The following NHLRC2 variants were observed in gnomAD, a reference collection of about 807,000 sequenced individuals.
NHLRC2 encodes NHL repeat containing 2.
NHLRC2 carries 33 observed loss-of-function variants against 68.1 expected under a neutral mutation model. That is an observed-to-expected ratio of 0.48 (90% CI 0.37 to 0.65). The LOEUF is 0.65. NHLRC2 is among the 30% of genes least tolerant of loss of function. The pLI is 0.00. For synonymous variants in NHLRC2, 311 were observed against 309.6 expected, an observed-to-expected ratio of 1.00 and a Z score of -0.05; for missense variants, 761 against 853.8, an observed-to-expected ratio of 0.89 and a Z score of 1.35.
In NHLRC2 at chr10:113,911,371, T is replaced by C. The variant is rs1846327284; in HGVS notation, c.*2835T>C. The C allele has an allele frequency of 6.6e-6, 1 of 152,144 alleles. No homozygotes were observed. The highest frequency in any genetic ancestry group is 1.9e-4 in the East Asian group (1 of 5,202). The allele number at this position is 152,144 out of a possible 1,614,324, so 9.4% of individuals were successfully genotyped here. ...GTTTAATCACCCATAAGTGTAACTT[T>C]AGCAAAATTCAATGACTATGAAAAA... On this transcript the variant is annotated 3_prime_UTR_variant, in exon 11 of 11. Transcript: ENST00000369301.
At chr10:113,897,957 T>A (rs1363824489) in intron 5 of NHLRC2, among the ~76,000 whole-genome samples, 153 bp from the exon 6 acceptor site, 1 of 152,234 alleles carries the variant, frequency 6.6e-6, no homozygotes, top group Non-Finnish European at 1.5e-5. Flanking sequence ...AAAACAAAAT[T>A]TTCAAAGATA....
In NHLRC2 at chr10:113,913,715, G is replaced by C. The variant is rs1460695878; in HGVS notation, c.*5179G>C. ...TGGAAATACAGTCTTCTGCTTTCTT[G>C]TTTCATAAATAACACTGGTATGCAG... is the stretch of plus-strand genomic sequence containing the variant. On this transcript the variant is annotated 3_prime_UTR_variant, in exon 11 of 11. Transcript: ENST00000369301. 6.6e-6 allele frequency: 1 copy of C among 151,886 alleles called. No individual in the cohort carries two copies. Among genetic ancestry groups the C allele is most frequent in the Admixed American group, 6.6e-5 (1 of 15,250 alleles). 9.4% of individuals were successfully genotyped at this position (151,886 alleles called of 1,614,324 possible). A position where few individuals can be genotyped will look rare whatever the true frequency, so the allele number is the denominator to read the frequency against.
At chr10:113,900,161 T>C (rs7914183) in intron 6 of NHLRC2, among the ~76,000 whole-genome samples, 1,750 of 152,206 alleles carry the variant, frequency 0.011, 30 homozygotes, top group African/African-American at 0.038. Flanking sequence ...ACAAGCCTTT[T>C]TAGAAAGGTT....
rs1056090278 is a variant in NHLRC2 at position 113,904,559 on chromosome 10, G to A, written c.1705-258G>A. On this transcript the variant is annotated intron_variant, in intron 9 of 10. Transcript: ENST00000369301. ...TAAACTTTTGCTTTAATTTCCTGCCGTCTATATACATTGGACAGTTACTTT... is the reference window on the plus strand; with the variant it reads ...TAAACTTTTGCTTTAATTTCCTGCCATCTATATACATTGGACAGTTACTTT... 9.7e-4 allele frequency among the ~76,000 whole-genome samples: 147 copies of A among 152,088 alleles called. 1 individual carries two copies. The highest frequency in any genetic ancestry group is 3.4e-3 in the Middle Eastern group (1 of 294).
intron 6 of NHLRC2, among the ~76,000 whole-genome samples, chr10:113,900,547 C>T (rs1219147980): frequency 2.6e-5 from 4 of 152,046 alleles, no homozygotes; most frequent in African/African-American, 4.8e-5. Flanking sequence ...TCTTTATTAC[C>T]GATCTTCAGG....
chr10:113,890,151 G>T (rs1274605122), intron 5 of NHLRC2, among the ~76,000 whole-genome samples: 1 of 152,210 alleles, frequency 6.6e-6, no homozygotes, highest in African/African-American at 2.4e-5. Context: ...CCAAATGTCT[G>T]TTGGGAGTCA....
intron 6 of NHLRC2, among the ~76,000 whole-genome samples, chr10:113,899,403 C>CA (rs1314962248): frequency 6.6e-6 from 1 of 152,138 alleles, no homozygotes; most frequent in Non-Finnish European, 1.5e-5. Context: ...GCAGATATTC[C>CA]AAATAGTGTG....
intron 2 of NHLRC2, among the ~76,000 whole-genome samples, chr10:113,864,474 C>T (rs1346953007): frequency 2.0e-5 from 3 of 152,006 alleles, no homozygotes; most frequent in Non-Finnish European, 2.9e-5. Flanking sequence ...CCAAGGCAGG[C>T]GGATCATGAG....
At chr10:113,903,391 ATAACTAT>A (rs1366724482) in intron 8 of NHLRC2, 129 bp from the exon 9 acceptor site, 2 of 641,376 alleles carry the variant, frequency 3.1e-6, no homozygotes, top group African/African-American at 3.7e-5. Flanking sequence ...AAATATGGAA[ATAACTAT>A]TCCTTTTGTG....
rs141474907 is a variant in NHLRC2, at chr10:113,878,569, C to G, written c.788-1005C>G. Among the ~76,000 whole-genome samples the G allele has an allele frequency of 2.7e-3, 418 of 152,112 alleles. 3 individuals carry two copies. The highest frequency in any genetic ancestry group is 9.7e-3 in the African/African-American group (402 of 41,498). On this transcript the variant is annotated intron_variant, in intron 3 of 10. Coordinates refer to ENST00000369301, the MANE Select transcript of NHLRC2 (RefSeq NM_198514.4). ...TAAAGATGGAGTCTCACTCTGTTGC[C>G]CAGGCTGGAGTGCAGTGGCATGATC...
At chr10:113,887,739 T>C (rs1345997105) in intron 5 of NHLRC2, among the ~76,000 whole-genome samples, 2 of 152,186 alleles carry the variant, frequency 1.3e-5, no homozygotes, top group Non-Finnish European at 2.9e-5. Flanking sequence ...GCCACTGCAC[T>C]GCAGCCTGGG....
rs1306387354 is a variant in NHLRC2 at position 113,913,396 on chromosome 10, C to G, written c.*4860C>G. The G allele has an allele frequency of 1.3e-5, 2 of 152,100 alleles. No homozygotes were observed. Among genetic ancestry groups the G allele is most frequent in the Admixed American group, 1.3e-4 (2 of 15,272 alleles). 9.4% of individuals were successfully genotyped at this position (152,100 alleles called of 1,614,324 possible). On this transcript the variant is annotated 3_prime_UTR_variant, in exon 11 of 11. Coordinates refer to ENST00000369301, the MANE Select transcript of NHLRC2 (RefSeq NM_198514.4). ...TTTGCATTATATACTGTTATTCAGA[C>G]CTTGGAACAGTCTATAATTGTTTGT...
intron 4 of NHLRC2, among the ~76,000 whole-genome samples, chr10:113,880,843 T>C (rs1177955278): frequency 6.6e-6 from 1 of 151,884 alleles, no homozygotes; most frequent in Non-Finnish European, 1.5e-5. Flanking sequence ...TTCCTCAATA[T>C]AAAAGTGTTA....
chr10:113,858,844 G>A (rs1845788256), intron 2 of NHLRC2, 164 bp downstream of exon 2: 2 of 470,904 alleles, frequency 4.2e-6, no homozygotes, highest in South Asian at 5.3e-5. Context: ...TTTTCATAAA[G>A]GATTAAGCTT....
intron 5 of NHLRC2, among the ~76,000 whole-genome samples, chr10:113,897,020 A>G (rs1002376199): frequency 6.6e-6 from 1 of 151,976 alleles, no homozygotes; most frequent in Non-Finnish European, 1.5e-5. Context: ...ATTTTGAACC[A>G]ATAAATGCTT....
At chr10:113,898,349 G>C (rs779429383) in intron 6 of NHLRC2, 140 bp downstream of exon 6, 2 of 523,406 alleles carry the variant, frequency 3.8e-6, no homozygotes, top group Non-Finnish European at 7.1e-6. Flanking sequence ...GATTCTCAGT[G>C]ACTTAAAACA....
Position 113,915,400 on chromosome 10 carries a change from G to A in NHLRC2, c.*6864G>A, listed in dbSNP as rs1260501616. 8.2e-6 allele frequency: 3 copies of A among 367,182 alleles called. No individual in the cohort carries two copies. The highest frequency in any genetic ancestry group is 7.3e-5 in the East Asian group (1 of 13,760). 22.7% of individuals were successfully genotyped at this position (367,182 alleles called of 1,614,324 possible). On this transcript the variant is annotated 3_prime_UTR_variant, in exon 11 of 11. Coordinates refer to ENST00000369301, the MANE Select transcript of NHLRC2 (RefSeq NM_198514.4). ...CTCTTTAAGCAGCAACTTACCACAG[G>A]CTTGGTGGCTTTAAGTAATATAGCA...
intron 4 of NHLRC2, among the ~76,000 whole-genome samples, chr10:113,882,096 T>C (rs540300562): frequency 5.3e-5 from 8 of 151,928 alleles, no homozygotes; most frequent in African/African-American, 1.9e-4. Flanking sequence ...ACCATTGATA[T>C]TTAGATTGTG....
At position 113,908,654 on chromosome 10, in the gene NHLRC2, C is replaced by A; in HGVS notation, c.*118C>A. 1.2e-6 allele frequency: 1 copy of A among 826,176 alleles called. No individual in the cohort carries two copies. Among genetic ancestry groups the A allele is most frequent in the South Asian group, 1.7e-5 (1 of 58,094 alleles). 51.2% of individuals were successfully genotyped at this position (826,176 alleles called of 1,614,324 possible). On this transcript the variant is annotated 3_prime_UTR_variant, in exon 11 of 11. Transcript: ENST00000369301. Reference sequence around the variant, plus strand: ...TCTGGATACCAAGATGCCCATTGCTCAGTTCAGACAACTGATATTAAAATA... The same window carrying A: ...TCTGGATACCAAGATGCCCATTGCTAAGTTCAGACAACTGATATTAAAATA...
Sources: gnomAD v4.1 joint callset for allele counts (sites outside exome capture counted in the v4.1 genomes callset) on GRCh38, gnomAD v4.1.1 for gene constraint, MANE v1.5 for transcripts, NCBI Gene and HGNC (gene_info 2026-07-23, HGNC 2026-07-21) for gene names.